The following CHRDL2 variants were observed in gnomAD, a reference collection of about 807,000 sequenced individuals.
CHRDL2 encodes chordin like 2.
Under a neutral mutation model 54.3 loss-of-function variants are expected in CHRDL2, and 41 were observed. The ratio of observed to expected loss-of-function variants is 0.76; its 90% CI spans 0.59 to 0.98. The LOEUF is 0.98. CHRDL2 is among the 50% of genes least tolerant of loss of function. The pLI is 0.00. For missense variants in CHRDL2, 518 were observed against 562.4 expected, an observed-to-expected ratio of 0.92 and a Z score of 0.80; for synonymous variants, 220 against 224.3, an observed-to-expected ratio of 0.98 and a Z score of 0.17.
chr11:74,724,965 T>C (rs550915327), intron 1 of CHRDL2, among the ~76,000 whole-genome samples: 1 of 152,038 alleles, frequency 6.6e-6, no homozygotes, highest in South Asian at 2.1e-4. Flanking sequence ...GAGGAGCCAA[T>C]TGACGGTCCT....
intron 4 of CHRDL2, 26 bp from the exon 5 acceptor site, chr11:74,708,421 G>A (rs373269794): frequency 2.0e-5 from 30 of 1,516,156 alleles, no homozygotes; most frequent in African/African-American, 2.8e-5. Context: ...AACCAGCTGG[G>A]AAATGAGCTC....
chr11:74,707,883 G>T (rs1264502727), intron 5 of CHRDL2, among the ~76,000 whole-genome samples: 1 of 152,124 alleles, frequency 6.6e-6, no homozygotes, highest in Non-Finnish European at 1.5e-5. Flanking sequence ...ACACATGGAT[G>T]AGCTTTGGGC....
chr11:74,704,374 T>C, intron 7 of CHRDL2, 112 bp downstream of exon 7: 4 of 1,023,798 alleles, frequency 3.9e-6, no homozygotes, highest in Non-Finnish European at 5.7e-6. Flanking sequence ...CATGGCCAAG[T>C]TGGAATTAGG....
chr11:74,706,687 C>A, intron 5 of CHRDL2, 145 bp from the exon 6 acceptor site: 2 of 703,576 alleles, frequency 2.8e-6, no homozygotes, highest in South Asian at 3.5e-5. Flanking sequence ...GCTCCTTTGC[C>A]CCAGTGGGGA....
At chr11:74,705,346 G>A (rs1018289909) in intron 6 of CHRDL2, among the ~76,000 whole-genome samples, 1 of 152,158 alleles carries the variant, frequency 6.6e-6, no homozygotes, top group Admixed American at 6.5e-5. Flanking sequence ...GTGGGCTTGG[G>A]GCAGGGACCA....
At chr11:74,724,022 TAAAAC>T (rs1371541166) in intron 1 of CHRDL2, among the ~76,000 whole-genome samples, 4 of 152,134 alleles carry the variant, frequency 2.6e-5, no homozygotes, top group Non-Finnish European at 4.4e-5. Flanking sequence ...GTACATGACT[TAAAAC>T]AAAGTCACCT....
chr11:74,724,102 C>T (rs976133219), intron 1 of CHRDL2, among the ~76,000 whole-genome samples: 2 of 152,250 alleles, frequency 1.3e-5, no homozygotes, highest in African/African-American at 4.8e-5. Context: ...CTGACAAACG[C>T]TATGATGGCG....
chr11:74,705,479 C>G (rs1190283297), intron 6 of CHRDL2, among the ~76,000 whole-genome samples: 2 of 152,178 alleles, frequency 1.3e-5, no homozygotes. Context: ...CACAAGAGCT[C>G]CCAGAGTGGA....
chr11:74,710,239 C>T (rs1328719836), intron 4 of CHRDL2, among the ~76,000 whole-genome samples: 1 of 151,078 alleles, frequency 6.6e-6, no homozygotes, highest in African/African-American at 2.4e-5. Flanking sequence ...AAAAATGACA[C>T]GCGGAAAGCC....
chr11:74,715,321 G>A (rs2034318642), intron 2 of CHRDL2, among the ~76,000 whole-genome samples: 1 of 152,148 alleles, frequency 6.6e-6, no homozygotes, highest in African/African-American at 2.4e-5. Flanking sequence ...AAGTAAGCAA[G>A]GACCACGCAC....
chr11:74,709,247 T>C (rs1346527454), intron 4 of CHRDL2, among the ~76,000 whole-genome samples: 1 of 151,114 alleles, frequency 6.6e-6, no homozygotes, highest in African/African-American at 2.5e-5. Context: ...CACCCAGCAT[T>C]TCTGTCTCTC....
chr11:74,702,728 G>C lies in CHRDL2; in HGVS notation c.1120+66C>G, dbSNP rs371786983. On this transcript the variant is annotated intron_variant, in intron 9 of 10. Transcript: ENST00000376332. Reference sequence around the variant, plus strand: ...GCAAAACGTCCCTAAGGCCCCTGTGGGGTCTGGGGCACGGGAAGGGGGACT... The same window carrying C: ...GCAAAACGTCCCTAAGGCCCCTGTGCGGTCTGGGGCACGGGAAGGGGGACT... The C allele has an allele frequency of 3.3e-4, 512 of 1,549,160 alleles. 4 individuals are homozygous for C. The African/African-American group carries it at 6.2e-3, about 19-fold the overall frequency.
chr11:74,719,536 T>C (rs1173761846), intron 1 of CHRDL2, among the ~76,000 whole-genome samples: 1 of 152,218 alleles, frequency 6.6e-6, no homozygotes, highest in Non-Finnish European at 1.5e-5. Flanking sequence ...CCTGAGGCCA[T>C]GGCTCTGGGA....
intron 3 of CHRDL2, 48 bp downstream of exon 3, chr11:74,713,338 G>C (rs993931474): frequency 5.3e-6 from 8 of 1,521,194 alleles, no homozygotes; most frequent in East Asian, 4.5e-5. Context: ...GCTACACTGG[G>C]AGTAGGAGAA....
At chr11:74,712,421 G>A (rs1160177395) in intron 3 of CHRDL2, among the ~76,000 whole-genome samples, 1 of 152,170 alleles carries the variant, frequency 6.6e-6, no homozygotes, top group Admixed American at 6.5e-5. Context: ...GCCAAGCACA[G>A]GGGAAAATCC....
intron 2 of CHRDL2, among the ~76,000 whole-genome samples, chr11:74,714,350 A>G (rs987067241): frequency 3.9e-5 from 6 of 152,172 alleles, no homozygotes; most frequent in African/African-American, 1.4e-4. Flanking sequence ...AGAGTAAGGA[A>G]AGGAGGGGTT....
intron 5 of CHRDL2, among the ~76,000 whole-genome samples, chr11:74,707,953 C>G (rs936585766): frequency 6.6e-6 from 1 of 152,132 alleles, no homozygotes; most frequent in Non-Finnish European, 1.5e-5. Context: ...CTACCACGCC[C>G]AGACTTTTCT....
intron 9 of CHRDL2, chr11:74,697,753 A>G (rs79173747): frequency 0.011 from 3,462 of 312,658 alleles, 109 homozygotes; most frequent in African/African-American, 0.07. Flanking sequence ...GGGAAGTGGA[A>G]GGCAGGAGGG....
At chr11:74,723,255 G>A (rs1049146524) in intron 1 of CHRDL2, among the ~76,000 whole-genome samples, 3 of 152,164 alleles carry the variant, frequency 2.0e-5, no homozygotes, top group African/African-American at 4.8e-5. Flanking sequence ...TTGAGGTTTC[G>A]GGACTGAACA....
Sources: gnomAD v4.1 joint callset for allele counts (sites outside exome capture counted in the v4.1 genomes callset) on GRCh38, gnomAD v4.1.1 for gene constraint, MANE v1.5 for transcripts, NCBI Gene and HGNC (gene_info 2026-07-23, HGNC 2026-07-21) for gene names.